Variants in LRRC4C observed in about 807,000 individuals in gnomAD.
The protein encoded by LRRC4C is leucine-rich repeat-containing protein 4C.
LRRC4C carries 5 observed loss-of-function variants against 33.6 expected under a neutral mutation model. That is an observed-to-expected ratio of 0.15 (90% CI 0.08 to 0.31). The LOEUF (loss-of-function observed/expected upper bound fraction) is 0.31. Ranked by LOEUF, LRRC4C falls within the 10% of genes least tolerant of loss-of-function variation. The probability of loss-of-function intolerance (pLI) is 1.00; values close to 1 mark genes in which losing one functional copy is unlikely to be tolerated. For synonymous variants in LRRC4C, 329 were observed against 302.0 expected (o/e 1.09, Z -0.93); for missense variants, 560 against 796.7 (o/e 0.70, Z 3.58).
intron 3 of LRRC4C, among the ~76,000 whole-genome samples, chr11:40,610,203 C>G (rs576584157): frequency 1.3e-5 from 2 of 151,840 alleles, no homozygotes; most frequent in African/African-American, 4.8e-5. Flanking sequence ...GGAATTTTCT[C>G]CTGGAGTACC....
intron 2 of LRRC4C, among the ~76,000 whole-genome samples, chr11:40,658,204 C>A (rs1943234260): frequency 6.6e-6 from 1 of 152,142 alleles, no homozygotes; most frequent in South Asian, 2.1e-4. Context: ...CCATAGTAGG[C>A]AAATGTGGCT....
At chr11:41,295,102 T>C (rs773610019) in intron 1 of LRRC4C, among the ~76,000 whole-genome samples, 2 of 152,188 alleles carry the variant, frequency 1.3e-5, no homozygotes, top group Non-Finnish European at 2.9e-5. Flanking sequence ...CATGAGAAAC[T>C]AATTCAAAGA....
At chr11:40,286,037 G>A (rs1943814271) in intron 4 of LRRC4C, among the ~76,000 whole-genome samples, 1 of 152,152 alleles carries the variant, frequency 6.6e-6, no homozygotes, top group African/African-American at 2.4e-5. Flanking sequence ...AGAAATGGTG[G>A]TAACTACTGT....
At chr11:40,331,631 A>G (rs1296422348) in intron 3 of LRRC4C, among the ~76,000 whole-genome samples, 1 of 152,186 alleles carries the variant, frequency 6.6e-6, no homozygotes, top group African/African-American at 2.4e-5. Flanking sequence ...GCATCATTCA[A>G]CTGGTTGAGT....
intron 1 of LRRC4C, among the ~76,000 whole-genome samples, chr11:41,070,037 C>A (rs1035331684): frequency 3.9e-5 from 6 of 152,078 alleles, no homozygotes; most frequent in Non-Finnish European, 7.4e-5. Context: ...GCTATAGTAA[C>A]CAAAACAGCA....
intron 4 of LRRC4C, among the ~76,000 whole-genome samples, chr11:40,299,463 A>G (rs1320267034): frequency 6.6e-6 from 1 of 152,246 alleles, no homozygotes; most frequent in Non-Finnish European, 1.5e-5. Flanking sequence ...TAGATGAGAG[A>G]AAAGTTTAAA....
intron 1 of LRRC4C, among the ~76,000 whole-genome samples, chr11:40,948,847 T>G (rs1420948227): frequency 6.6e-6 from 1 of 151,956 alleles, no homozygotes; most frequent in South Asian, 2.1e-4. Context: ...TGTGTCTTTA[T>G]AGTAGCATGA....
chr11:40,541,119 T>C (rs936966341), intron 3 of LRRC4C, among the ~76,000 whole-genome samples: 1 of 152,186 alleles, frequency 6.6e-6, no homozygotes, highest in African/African-American at 2.4e-5. Context: ...TAATTACTAA[T>C]GTTACAGAAT....
chr11:41,093,352 A>C (rs1940566164), intron 1 of LRRC4C, among the ~76,000 whole-genome samples: 1 of 152,250 alleles, frequency 6.6e-6, no homozygotes. Flanking sequence ...TATTCAGAGA[A>C]TGAATACAAC....
chr11:40,844,197 C>T (rs1953049310), intron 2 of LRRC4C, among the ~76,000 whole-genome samples: 1 of 151,520 alleles, frequency 6.6e-6, no homozygotes, highest in Admixed American at 6.6e-5. Context: ...ATGTAACTAA[C>T]CTGCACGTTG....
chr11:41,423,314 A>G, intron 1 of LRRC4C, among the ~76,000 whole-genome samples: 1 of 152,014 alleles, frequency 6.6e-6, no homozygotes, highest in East Asian at 1.9e-4. Flanking sequence ...AATCCAGGTA[A>G]TAGTAGCTCC....
chr11:41,445,094 C>T (rs545784831), intron 1 of LRRC4C, among the ~76,000 whole-genome samples: 6 of 152,274 alleles, frequency 3.9e-5, no homozygotes, highest in South Asian at 4.1e-4. Context: ...TGAGCCACCA[C>T]GCCCGACATC....
At chr11:40,146,637 G>A (rs957907990) in intron 5 of LRRC4C, among the ~76,000 whole-genome samples, 1 of 152,132 alleles carries the variant, frequency 6.6e-6, no homozygotes, top group Admixed American at 6.6e-5. Flanking sequence ...TGACGGAATG[G>A]CTTCTAAGAC....
At chr11:40,915,927 C>A (rs565426476) in intron 2 of LRRC4C, among the ~76,000 whole-genome samples, 2 of 152,242 alleles carry the variant, frequency 1.3e-5, no homozygotes, top group East Asian at 3.9e-4. Flanking sequence ...ATTTATGCAG[C>A]CAACAGACAC....
chr11:41,312,361 G>C (rs1340658945), intron 1 of LRRC4C, among the ~76,000 whole-genome samples: 2 of 152,136 alleles, frequency 1.3e-5, no homozygotes, highest in Admixed American at 6.5e-5. Context: ...AGAATCAAAG[G>C]AGTTAAACCA....
chr11:40,987,364 T>C (rs926334248), intron 1 of LRRC4C, among the ~76,000 whole-genome samples: 2 of 151,778 alleles, frequency 1.3e-5, no homozygotes, highest in Non-Finnish European at 2.9e-5. Context: ...AAACTGAGAG[T>C]TTAATAACTT....
intron 1 of LRRC4C, among the ~76,000 whole-genome samples, chr11:41,195,290 T>C (rs1430513223): frequency 6.6e-6 from 1 of 152,132 alleles, no homozygotes; most frequent in Non-Finnish European, 1.5e-5. Context: ...GATAATTTCA[T>C]GAATTCTGAC....
intron 1 of LRRC4C, among the ~76,000 whole-genome samples, chr11:41,079,149 C>G (rs1224393163): frequency 6.6e-6 from 1 of 152,162 alleles, no homozygotes; most frequent in African/African-American, 2.4e-5. Context: ...TCTCTCAATT[C>G]CTTTCCCACT....
At chr11:41,123,276 T>TG (rs1311732080) in intron 1 of LRRC4C, among the ~76,000 whole-genome samples, 61 of 116,220 alleles carry the variant, frequency 5.2e-4, no homozygotes, top group African/African-American at 1.8e-3. Flanking sequence ...TTTTTTTTTT[T>TG]TTTTTTTTTT....
Sources: allele counts gnomAD v4.1 joint callset (sites outside exome capture counted in the v4.1 genomes callset), GRCh38; gene constraint gnomAD v4.1.1; transcripts MANE v1.5; gene names NCBI Gene and HGNC (gene_info 2026-07-23, HGNC 2026-07-21).